Variants in MYO1E observed in about 807,000 individuals in gnomAD.
The protein encoded by MYO1E is unconventional myosin-Ie.
A neutral mutation model predicts 151.1 loss-of-function variants in MYO1E; 68 were observed. The observed-to-expected ratio is 0.45, with a 90% CI of 0.37 to 0.55. MYO1E has a LOEUF of 0.55. Ranked by LOEUF, MYO1E falls within the 20% of genes least tolerant of loss-of-function variation. The pLI, the probability that MYO1E is intolerant of heterozygous loss-of-function variation, is 0.00. For synonymous variants in MYO1E, 601 were observed against 501.7 expected, an observed-to-expected ratio of 1.20 and a Z score of -2.64; for missense variants, 1,363 against 1,389.3, an observed-to-expected ratio of 0.98 and a Z score of 0.30.
intron 7 of MYO1E, among the ~76,000 whole-genome samples, chr15:59,225,139 T>C (rs951186982): frequency 1.2e-4 from 18 of 152,250 alleles, no homozygotes; most frequent in African/African-American, 4.3e-4. Flanking sequence ...CTATGGCTTT[T>C]TAAGCTGGCT....
intron 1 of MYO1E, among the ~76,000 whole-genome samples, chr15:59,300,163 G>T (rs2080473227): frequency 6.6e-6 from 1 of 152,120 alleles, no homozygotes; most frequent in African/African-American, 2.4e-5. Flanking sequence ...GGGTCCTCTT[G>T]AATCTCTTCT....
chr15:59,208,527 A>G, intron 14 of MYO1E, 154 bp downstream of exon 14: 1 of 917,518 alleles, frequency 1.1e-6, no homozygotes, highest in Non-Finnish European at 1.7e-6. Context: ...GCAGTAGTAT[A>G]TACAATCTTT....
intron 14 of MYO1E, 112 bp downstream of exon 14, chr15:59,208,569 C>A: frequency 7.6e-7 from 1 of 1,317,304 alleles, no homozygotes; most frequent in Non-Finnish European, 1.1e-6. Context: ...TAATAAATTC[C>A]GTTTGTTGAA....
At chr15:59,147,294 G>A (rs1251709200) in intron 26 of MYO1E, among the ~76,000 whole-genome samples, 1 of 152,168 alleles carries the variant, frequency 6.6e-6, no homozygotes, top group African/African-American at 2.4e-5. Context: ...CAGCTCAGAT[G>A]TTTAGTTAGA....
intron 10 of MYO1E, among the ~76,000 whole-genome samples, chr15:59,217,051 T>TC (rs2079923211): frequency 6.6e-6 from 1 of 152,112 alleles, no homozygotes; most frequent in Admixed American, 6.5e-5. Context: ...GCAATCCATC[T>TC]TTCAGCCAGA....
intron 22 of MYO1E, among the ~76,000 whole-genome samples, chr15:59,166,245 GC>G (rs2079562278): frequency 6.6e-6 from 1 of 152,194 alleles, no homozygotes; most frequent in Non-Finnish European, 1.5e-5. Flanking sequence ...CTTAGCCCAC[GC>G]TCCTGAACCT....
chr15:59,219,669 A>G (rs1421785093), intron 9 of MYO1E, among the ~76,000 whole-genome samples: 1 of 152,264 alleles, frequency 6.6e-6, no homozygotes, highest in Non-Finnish European at 1.5e-5. Flanking sequence ...AAACAAAATC[A>G]AATGCACTGA....
At chr15:59,165,394 A>G (rs530778669) in intron 22 of MYO1E, among the ~76,000 whole-genome samples, 3 of 152,326 alleles carry the variant, frequency 2.0e-5, no homozygotes, top group East Asian at 1.9e-4. Flanking sequence ...AACCCTTTAC[A>G]GTGTTTTTTG....
At chr15:59,155,553 T>C (rs764383440) in intron 25 of MYO1E, among the ~76,000 whole-genome samples, 5 of 152,128 alleles carry the variant, frequency 3.3e-5, no homozygotes, top group African/African-American at 4.8e-5. Flanking sequence ...GTCGGAAACT[T>C]TGTGGCCTGA....
At chr15:59,298,343 C>T (rs74020360) in intron 1 of MYO1E, among the ~76,000 whole-genome samples, 3,196 of 152,260 alleles carry the variant, frequency 0.021, 105 homozygotes, top group African/African-American at 0.071. Context: ...CCTCACAGCC[C>T]GCTGAGTTCC....
chr15:59,171,966 T>C lies in MYO1E; in HGVS notation c.2411A>G (p.Asp804Gly). 1.9e-6 allele frequency: 3 copies of C among 1,614,218 alleles called. 1 individual carries two copies. In the South Asian group the frequency reaches 3.3e-5, roughly 18 times the overall value. Residue 804 changes from aspartate (D) to glycine (G), a missense_variant, in exon 22 of 28, where the codon GAC (aspartate) becomes GGC (glycine). Transcript: ENST00000288235. ...IGREKVKQGP[D>G]KGLVKEVLKR... is the part of the protein sequence containing the mutation. Reference sequence around the variant, plus strand: ...CAGGACTTCTTTCACCAGGCCCTTGTCTGGGCCCTGTTTGACTTTTTCTCG... The same window carrying C: ...CAGGACTTCTTTCACCAGGCCCTTGCCTGGGCCCTGTTTGACTTTTTCTCG...
chr15:59,147,187 C>T (rs1251287681), intron 26 of MYO1E, among the ~76,000 whole-genome samples: 1 of 152,154 alleles, frequency 6.6e-6, no homozygotes, highest in Non-Finnish European at 1.5e-5. Flanking sequence ...GAAAACAAAA[C>T]CCCAAATGAC....
chr15:59,158,750 T>C (rs536602475), intron 24 of MYO1E, among the ~76,000 whole-genome samples: 2 of 152,362 alleles, frequency 1.3e-5, no homozygotes, highest in Non-Finnish European at 2.9e-5. Flanking sequence ...TCACTAATGC[T>C]GCGGATCAAC....
intron 1 of MYO1E, among the ~76,000 whole-genome samples, chr15:59,288,058 A>G (rs2080397767): frequency 6.6e-6 from 1 of 152,246 alleles, no homozygotes. Flanking sequence ...CACTCCTTAC[A>G]GTTCTCACTT....
chr15:59,323,594 T>C (rs1157246806), intron 1 of MYO1E, among the ~76,000 whole-genome samples: 1 of 150,638 alleles, frequency 6.6e-6, no homozygotes, highest in Non-Finnish European at 1.5e-5. Context: ...AGGTGGAGCT[T>C]ACAAGAAGCC....
Position 59,277,546 on chromosome 15 carries a change from C to A in MYO1E, c.4-5097G>T, listed in dbSNP as rs1353157432. ...GCAACAGAGCAAGACTCCATCCCCCCACAAAAAAAAAAAAAAAAAAAAAAA... is the reference window on the plus strand; with the variant it reads ...GCAACAGAGCAAGACTCCATCCCCCAACAAAAAAAAAAAAAAAAAAAAAAA... On this transcript the variant is annotated intron_variant, in intron 1 of 27. Coordinates refer to ENST00000288235, the MANE Select transcript of MYO1E (RefSeq NM_004998.4). 2.3e-3 allele frequency among the ~76,000 whole-genome samples: 23 copies of A among 10,146 alleles called. No individual in the cohort carries two copies. In the South Asian group the frequency reaches 0.095, roughly 42 times the overall value. The allele number at this position is 10,146 out of a possible 152,430, so 6.7% of individuals were successfully genotyped here. A position where few individuals can be genotyped will look rare whatever the true frequency, so the allele number is the denominator to read the frequency against.
chr15:59,158,071 A>G (rs1459329533), intron 25 of MYO1E, among the ~76,000 whole-genome samples: 2 of 152,226 alleles, frequency 1.3e-5, no homozygotes, highest in Non-Finnish European at 2.9e-5. Context: ...TGAAATCCAG[A>G]TTGCAAACTC....
At chr15:59,160,961 A>G (rs1645079065) in intron 24 of MYO1E, 112 bp downstream of exon 24, 4 of 1,390,350 alleles carry the variant, frequency 2.9e-6, no homozygotes, top group Non-Finnish European at 4.0e-6. Context: ...CCCAGCAAGC[A>G]GAAGGTGTAC....
At chr15:59,220,440 C>T (rs1487875001) in intron 9 of MYO1E, among the ~76,000 whole-genome samples, 1 of 152,232 alleles carries the variant, frequency 6.6e-6, no homozygotes, top group Non-Finnish European at 1.5e-5. Context: ...CACAGAAAGA[C>T]TCTGTCTCAA....
Sources: allele counts gnomAD v4.1 joint callset (sites outside exome capture counted in the v4.1 genomes callset), GRCh38; gene constraint gnomAD v4.1.1; transcripts MANE v1.5; gene names NCBI Gene and HGNC (gene_info 2026-07-23, HGNC 2026-07-21).